The following PRKG2 variants were observed in gnomAD, a reference collection of about 807,000 sequenced individuals.
PRKG2 encodes the protein protein kinase cGMP-dependent 2.
Under a neutral mutation model 97.2 loss-of-function variants are expected in PRKG2, and 33 were observed. That is an observed-to-expected ratio of 0.34 (90% CI 0.26 to 0.45). The LOEUF is 0.45. PRKG2 is among the 20% of genes least tolerant of loss of function. The probability of loss-of-function intolerance (pLI) is 1.00; values close to 1 mark genes in which losing one functional copy is unlikely to be tolerated. For missense variants in PRKG2, 638 were observed against 900.0 expected, an observed-to-expected ratio of 0.71 and a Z score of 3.73; for synonymous variants, 330 against 321.8, an observed-to-expected ratio of 1.03 and a Z score of -0.27.
At chr4:81,111,640 G>T (rs1001989752) in intron 14 of PRKG2, among the ~76,000 whole-genome samples, 1 of 151,976 alleles carries the variant, frequency 6.6e-6, no homozygotes, top group Non-Finnish European at 1.5e-5. Context: ...ACCGTCCTCC[G>T]TTTTCGCAAA....
chr4:81,135,295 C>T lies in PRKG2; in HGVS notation c.1636G>A (p.Gly546Ser). Residue 546 changes from glycine to serine, a missense_variant and splice_region_variant, in exon 14 of 19, where the codon GGC becomes AGC. Around this residue, in one of 3 missense-constraint regions of PRKG2, gnomAD observed 304 missense variants for 460.5 expected, o/e 0.66. Coordinates refer to ENST00000264399, the MANE Select transcript of PRKG2 (RefSeq NM_006259.3). ...GELWSILRDR[G>S]SFDEPTSKFC... ...TTGGAGGTGGGTTCATCAAAGCTGC[C>T]TCTGCAACGAAATCATTTTCCCTCT... is the stretch of plus-strand genomic sequence containing the variant. 6.2e-7 allele frequency: 1 copy of T among 1,611,728 alleles called. No homozygotes were observed. Among genetic ancestry groups the T allele is most frequent in the Admixed American group, 1.7e-5 (1 of 59,710 alleles).
intron 14 of PRKG2, among the ~76,000 whole-genome samples, chr4:81,116,408 A>G (rs1406926416): frequency 6.6e-6 from 1 of 152,144 alleles, no homozygotes; most frequent in Non-Finnish European, 1.5e-5. Flanking sequence ...TTATATATGT[A>G]CAACATTTTC....
chr4:81,138,465 T>C (rs1170040946), intron 12 of PRKG2, among the ~76,000 whole-genome samples: 1 of 152,188 alleles, frequency 6.6e-6, no homozygotes, highest in Non-Finnish European at 1.5e-5. Context: ...AGACATTTAT[T>C]AGCTATGCAA....
intron 2 of PRKG2, among the ~76,000 whole-genome samples, chr4:81,184,362 A>G (rs1751691648): frequency 6.6e-6 from 1 of 152,182 alleles, no homozygotes; most frequent in Non-Finnish European, 1.5e-5. Context: ...CAGGATCTGG[A>G]GTGGACTTCC....
At chr4:81,126,704 G>C (rs542265629) in intron 14 of PRKG2, among the ~76,000 whole-genome samples, 1 of 152,018 alleles carries the variant, frequency 6.6e-6, no homozygotes, top group African/African-American at 2.4e-5. Flanking sequence ...CCTCTCCTTT[G>C]CCCACTTTTT....
chr4:81,199,171 T>A (rs1317075946), intron 2 of PRKG2, among the ~76,000 whole-genome samples: 1 of 152,124 alleles, frequency 6.6e-6, no homozygotes, highest in Non-Finnish European at 1.5e-5. Flanking sequence ...GAGCCTCTCA[T>A]ATGGCAACAT....
intron 6 of PRKG2, among the ~76,000 whole-genome samples, chr4:81,157,485 G>A (rs546275863): frequency 6.0e-4 from 91 of 152,202 alleles, no homozygotes; most frequent in African/African-American, 2.0e-3. Flanking sequence ...ATTCACAGCC[G>A]AATTCTACCA....
At chr4:81,135,630 T>C (rs1746606091) in intron 13 of PRKG2, among the ~76,000 whole-genome samples, 1 of 152,172 alleles carries the variant, frequency 6.6e-6, no homozygotes, top group Admixed American at 6.6e-5. Context: ...AAAATGCTAC[T>C]ATAGTGGAGA....
At chr4:81,114,726 A>G (rs565942792) in intron 14 of PRKG2, among the ~76,000 whole-genome samples, 1 of 152,322 alleles carries the variant, frequency 6.6e-6, no homozygotes, top group East Asian at 1.9e-4. Context: ...ACTAAACAGA[A>G]CCAACACAGA....
chr4:81,187,276 T>C (rs1351741677), intron 2 of PRKG2, among the ~76,000 whole-genome samples: 1 of 152,096 alleles, frequency 6.6e-6, no homozygotes, highest in African/African-American at 2.4e-5. Context: ...GCTTATCCAC[T>C]AGGATAAAGT....
chr4:81,118,915 C>G (rs1050124857), intron 14 of PRKG2, among the ~76,000 whole-genome samples: 6 of 152,142 alleles, frequency 3.9e-5, no homozygotes, highest in African/African-American at 1.2e-4. Context: ...CCACCTCAGG[C>G]TCCCAAGTAG....
At chr4:81,186,048 A>C (rs1025489971) in intron 2 of PRKG2, among the ~76,000 whole-genome samples, 3 of 152,170 alleles carry the variant, frequency 2.0e-5, no homozygotes, top group Non-Finnish European at 4.4e-5. Flanking sequence ...CCCACTGTCA[A>C]TATTAGACAG....
chr4:81,118,878 G>A (rs958821351), intron 14 of PRKG2, among the ~76,000 whole-genome samples: 5 of 151,966 alleles, frequency 3.3e-5, no homozygotes, highest in African/African-American at 7.2e-5. Flanking sequence ...CAATGCAGCC[G>A]CAACCTCCTG....
chr4:81,088,300 G>A lies in PRKG2; in HGVS notation c.*1408C>T, dbSNP rs954351528. On this transcript the variant is annotated 3_prime_UTR_variant, in exon 19 of 19. Coordinates refer to ENST00000264399, the MANE Select transcript of PRKG2 (RefSeq NM_006259.3). Reference sequence around the variant, plus strand: ...TCTGGATGATGAAATTATGAGTGGGGACTGGGTAGAGGTTCCTTTTGACAT... The same window carrying A: ...TCTGGATGATGAAATTATGAGTGGGAACTGGGTAGAGGTTCCTTTTGACAT... 3 of 152,098 alleles carry A rather than the reference G, an allele frequency of 2.0e-5. No homozygotes were observed. The highest frequency in any genetic ancestry group is 7.2e-5 in the African/African-American group (3 of 41,408). 9.4% of individuals were successfully genotyped at this position (152,098 alleles called of 1,614,324 possible).
chr4:81,104,076 T>C (rs1743085100), intron 17 of PRKG2, among the ~76,000 whole-genome samples: 1 of 151,920 alleles, frequency 6.6e-6, no homozygotes, highest in Non-Finnish European at 1.5e-5. Flanking sequence ...ACCTAAAGAA[T>C]AATAAAGACA....
rs181970833 is a variant in PRKG2, at chr4:81,195,787, G to A, written c.461+8800C>T. On this transcript the variant is annotated intron_variant, in intron 2 of 18. Coordinates refer to ENST00000264399, the MANE Select transcript of PRKG2 (RefSeq NM_006259.3). Reference sequence around the variant, plus strand: ...TTCATCTGTTGACGGACACGGGGTTGTTTCTGCTTTTTGGCTACTATGAAT... The same window carrying A: ...TTCATCTGTTGACGGACACGGGGTTATTTCTGCTTTTTGGCTACTATGAAT... 7.7e-4 allele frequency among the ~76,000 whole-genome samples: 118 copies of A among 152,272 alleles called. 1 individual carries two copies. The highest frequency in any genetic ancestry group is 2.6e-3 in the African/African-American group (106 of 41,562).
At chr4:81,196,375 G>GT (rs1228975082) in intron 2 of PRKG2, among the ~76,000 whole-genome samples, 29 of 152,292 alleles carry the variant, frequency 1.9e-4, no homozygotes, top group African/African-American at 6.7e-4. Flanking sequence ...GCAAATATGT[G>GT]TTGTTTAAGC....
At position 81,198,164 on chromosome 4, in the gene PRKG2, C is replaced by T. The variant is rs149649105; in HGVS notation, c.461+6423G>A. ...GCTTCATTAAATATTTTTCCTAACG[C>T]CTAGCAACTAAGACTAGAAGTTTTA... is the stretch of plus-strand genomic sequence containing the variant. On this transcript the variant is annotated intron_variant, in intron 2 of 18. Coordinates refer to ENST00000264399, the MANE Select transcript of PRKG2 (RefSeq NM_006259.3). 9.2e-5 allele frequency among the ~76,000 whole-genome samples: 14 copies of T among 152,266 alleles called. No individual in the cohort carries two copies. In the East Asian group the frequency reaches 2.7e-3, roughly 29 times the overall value.
chr4:81,148,771 G>A (rs748576492), intron 9 of PRKG2, 113 bp downstream of exon 9: 40 of 895,418 alleles, frequency 4.5e-5, no homozygotes, highest in Middle Eastern at 4.4e-4. Flanking sequence ...AGCTGAGATC[G>A]GCCAGTATTT....
Sources: allele counts gnomAD v4.1 joint callset (sites outside exome capture counted in the v4.1 genomes callset), GRCh38; gene constraint gnomAD v4.1.1; regional missense constraint gnomAD v4.1.1; transcripts MANE v1.5; gene names NCBI Gene and HGNC (gene_info 2026-07-23, HGNC 2026-07-21).